The following RBFOX1 variants were observed in gnomAD, a reference collection of about 807,000 sequenced individuals.
RBFOX1 encodes the protein RNA binding fox-1 homolog 1, also known as RNA binding protein fox-1 homolog 1.
RBFOX1 carries 8 observed loss-of-function variants against 57.7 expected under a neutral mutation model. The ratio of observed to expected loss-of-function variants is 0.14; its 90% CI spans 0.08 to 0.25. The LOEUF is 0.25. Ranked by LOEUF, RBFOX1 falls within the 10% of genes least tolerant of loss-of-function variation. The pLI, the probability that RBFOX1 is intolerant of heterozygous loss-of-function variation, is 1.00. For missense variants in RBFOX1, 611 were observed against 548.5 expected, an observed-to-expected ratio of 1.11 and a Z score of -1.14; for synonymous variants, 326 against 222.4, an observed-to-expected ratio of 1.47 and a Z score of -4.15.
intron 1 of RBFOX1, among the ~76,000 whole-genome samples, chr16:5,464,081 C>T (rs1249584306): frequency 5.9e-5 from 9 of 152,116 alleles, no homozygotes; most frequent in Admixed American, 1.3e-4. Flanking sequence ...GCTTCAGGCT[C>T]AATGGGCTGG....
chr16:7,442,146 A>G (rs1334150387), intron 4 of RBFOX1, among the ~76,000 whole-genome samples: 2 of 152,086 alleles, frequency 1.3e-5, no homozygotes, highest in Non-Finnish European at 2.9e-5. Context: ...AACATGATGC[A>G]TGAACGGGAC....
At chr16:7,670,694 G>A (rs1597720179) in intron 13 of RBFOX1, among the ~76,000 whole-genome samples, 1 of 152,190 alleles carries the variant, frequency 6.6e-6, no homozygotes, top group Non-Finnish European at 1.5e-5. Context: ...AAACTGGAAA[G>A]GCAGGCTATG....
intron 11 of RBFOX1, among the ~76,000 whole-genome samples, chr16:7,648,319 G>T (rs938155603): frequency 1.3e-5 from 2 of 152,006 alleles, no homozygotes; most frequent in African/African-American, 4.8e-5. Context: ...ACCTCTCCTG[G>T]GTTCAAGCGA....
At chr16:7,458,761 C>A (rs1217938271) in intron 4 of RBFOX1, among the ~76,000 whole-genome samples, 2 of 152,150 alleles carry the variant, frequency 1.3e-5, no homozygotes, top group East Asian at 1.9e-4. Flanking sequence ...CTCCTTGACT[C>A]CTCCATTAAA....
At chr16:6,281,562 G>T (rs971392542) in intron 1 of RBFOX1, among the ~76,000 whole-genome samples, 1 of 152,072 alleles carries the variant, frequency 6.6e-6, no homozygotes, top group Non-Finnish European at 1.5e-5. Flanking sequence ...AGACTTCAGG[G>T]TAAAAGAAAC....
intron 1 of RBFOX1, among the ~76,000 whole-genome samples, chr16:6,139,520 T>G (rs748617427): frequency 2.6e-5 from 4 of 152,148 alleles, no homozygotes; most frequent in Non-Finnish European, 4.4e-5. Flanking sequence ...ACTATTACCC[T>G]GCTCAATCCC....
chr16:5,275,731 C>G (rs9938815), intron 1 of RBFOX1, among the ~76,000 whole-genome samples: 52,669 of 152,036 alleles, frequency 0.35, 9,270 homozygotes, highest in African/African-American at 0.41. Context: ...ATAGCCAAAG[C>G]AAAACTAAGC....
intron 1 of RBFOX1, among the ~76,000 whole-genome samples, chr16:6,202,966 G>T (rs1225619702): frequency 3.3e-5 from 5 of 151,754 alleles, no homozygotes; most frequent in African/African-American, 1.2e-4. Flanking sequence ...GTAGAGATGG[G>T]GTTCTCACTT....
intron 1 of RBFOX1, among the ~76,000 whole-genome samples, chr16:5,409,285 C>A (rs1041596036): frequency 3.3e-5 from 5 of 152,200 alleles, no homozygotes; most frequent in African/African-American, 1.2e-4. Flanking sequence ...TGCATACAGC[C>A]CCTAGGGGAG....
intron 3 of RBFOX1, among the ~76,000 whole-genome samples, chr16:7,046,383 G>T (rs1004820245): frequency 3.3e-5 from 5 of 151,996 alleles, no homozygotes; most frequent in African/African-American, 1.2e-4. Flanking sequence ...ACAAGACTCA[G>T]TATTTTGCCT....
chr16:7,658,508 C>T (rs2066887927), intron 12 of RBFOX1, among the ~76,000 whole-genome samples: 1 of 152,038 alleles, frequency 6.6e-6, no homozygotes, highest in Non-Finnish European at 1.5e-5. Context: ...GAGGAATTAC[C>T]CATCAGGTAA....
chr16:6,644,695 C>T (rs1602512920), intron 2 of RBFOX1, among the ~76,000 whole-genome samples: 2 of 152,158 alleles, frequency 1.3e-5, no homozygotes, highest in East Asian at 1.9e-4. Context: ...TGAATGACTG[C>T]AATAATCAAT....
chr16:7,304,945 TG>T (rs1405254647), intron 4 of RBFOX1, among the ~76,000 whole-genome samples: 21 of 150,974 alleles, frequency 1.4e-4, no homozygotes, highest in Non-Finnish European at 2.7e-4. Flanking sequence ...TGTGTGTGTG[TG>T]TGTGTGTGTG....
At chr16:5,974,218 CT>C (rs2060017270) in intron 4 of RBFOX1, among the ~76,000 whole-genome samples, 1 of 152,314 alleles carries the variant, frequency 6.6e-6, no homozygotes, top group African/African-American at 2.4e-5. Flanking sequence ...ACTGCTTCAG[CT>C]GTTCCTGTTG....
intron 3 of RBFOX1, among the ~76,000 whole-genome samples, chr16:5,761,085 T>A (rs2053575237): frequency 1.3e-5 from 2 of 152,146 alleles, no homozygotes; most frequent in South Asian, 4.1e-4. Context: ...TGGTAAACAG[T>A]GAATGCTAAT....
chr16:5,899,144 C>CAAAAA (rs35163906), intron 4 of RBFOX1, among the ~76,000 whole-genome samples: 1 of 100,078 alleles, frequency 1.0e-5, no homozygotes, highest in Non-Finnish European at 1.9e-5. Flanking sequence ...GACCCTGTCT[C>CAAAAA]AAAAAAAAAA....
chr16:6,113,928 C>T (rs1312639875), intron 1 of RBFOX1, among the ~76,000 whole-genome samples: 1 of 152,166 alleles, frequency 6.6e-6, no homozygotes, highest in Non-Finnish European at 1.5e-5. Flanking sequence ...TTATTACGAT[C>T]TGATACTCTA....
At chr16:5,541,152 A>C (rs2044932691) in intron 2 of RBFOX1, among the ~76,000 whole-genome samples, 1 of 152,052 alleles carries the variant, frequency 6.6e-6, no homozygotes, top group African/African-American at 2.4e-5. Flanking sequence ...GCCTGGCCTG[A>C]ATCTGCATTT....
At chr16:7,057,769 A>G (rs1436746118) in intron 4 of RBFOX1, among the ~76,000 whole-genome samples, 2 of 152,168 alleles carry the variant, frequency 1.3e-5, no homozygotes, top group African/African-American at 4.8e-5. Context: ...GCACTTTGGG[A>G]GGCCAAGGTG....
Sources: gnomAD v4.1 joint callset for allele counts (sites outside exome capture counted in the v4.1 genomes callset) on GRCh38, gnomAD v4.1.1 for gene constraint, MANE v1.5 for transcripts, NCBI Gene and HGNC (gene_info 2026-07-23, HGNC 2026-07-21) for gene names.